SPATA9: variants seen among roughly 807,000 people sequenced by gnomAD.
SPATA9 encodes the protein spermatogenesis-associated protein 9.
Under a neutral mutation model 25.5 loss-of-function variants are expected in SPATA9, and 27 were observed. The ratio of observed to expected loss-of-function variants is 1.06; its 90% confidence interval spans 0.78 to 1.46. SPATA9 has a LOEUF of 1.46. Ranked by LOEUF, SPATA9 falls within the 40% of genes most tolerant of loss-of-function variation. SPATA9 has a pLI of 0.00. For synonymous variants in SPATA9, 102 were observed against 105.7 expected (o/e 0.97, Z 0.21); for missense variants, 282 against 297.5 (o/e 0.95, Z 0.38).
chr5:95,674,494 G>C (rs1437456943), intron 3 of SPATA9, among the ~76,000 whole-genome samples: 1 of 152,150 alleles, frequency 6.6e-6, no homozygotes, highest in African/African-American at 2.4e-5. Context: ...AGACATTCCC[G>C]TTGGGGTCAG....
chr5:95,697,057 G>A (rs1240157741), intron 1 of SPATA9, among the ~76,000 whole-genome samples: 2 of 152,118 alleles, frequency 1.3e-5, no homozygotes, highest in African/African-American at 4.8e-5. Flanking sequence ...TCTTTGCATA[G>A]CAAATTACCC....
chr5:95,659,157 CT>C (rs933430214), intron 4 of SPATA9: 23 of 371,898 alleles, frequency 6.2e-5, no homozygotes, highest in African/African-American at 4.2e-4. Flanking sequence ...TGTTTTACAT[CT>C]TTTCCCCCCA....
At chr5:95,714,823 C>T in the SPATA9 span, among the ~76,000 whole-genome samples, 1 of 151,398 alleles carries the variant, frequency 6.6e-6, no homozygotes, top group Non-Finnish European at 1.5e-5. Flanking sequence ...CCTTCATATT[C>T]CCTTTATAAT....
At chr5:95,708,215 A>G in the SPATA9 span, among the ~76,000 whole-genome samples, 3 of 148,768 alleles carry the variant, frequency 2.0e-5, no homozygotes, top group Admixed American at 6.7e-5. Context: ...TGGTGGAGGA[A>G]CAGTTAAATC....
upstream of SPATA9, among the ~76,000 whole-genome samples, chr5:95,699,507 A>G (rs1289208465): frequency 6.6e-6 from 1 of 152,234 alleles, no homozygotes; most frequent in Non-Finnish European, 1.5e-5. Context: ...GAACAGGGAG[A>G]AAAATGAGAA....
chr5:95,660,596 C>T (rs1255035931), intron 4 of SPATA9, among the ~76,000 whole-genome samples: 1 of 152,164 alleles, frequency 6.6e-6, no homozygotes, highest in Non-Finnish European at 1.5e-5. Flanking sequence ...TGTAAACAGC[C>T]TCATCCATTT....
chr5:95,662,956 CTG>C (rs1360797297), intron 4 of SPATA9, among the ~76,000 whole-genome samples: 1 of 152,318 alleles, frequency 6.6e-6, no homozygotes, highest in Non-Finnish European at 1.5e-5. Flanking sequence ...GGACTTAAAA[CTG>C]AGATTTGTGT....
chr5:95,675,432 G>A lies in SPATA9; in HGVS notation c.358C>T (p.Gln120Ter), dbSNP rs765755260. 7 of 1,614,100 alleles carry A rather than the reference G, an allele frequency of 4.3e-6. No homozygotes were observed. Among genetic ancestry groups the A allele is most frequent in the African/African-American group, 1.3e-5 (1 of 75,036 alleles). Residue 120 changes from glutamine (Q) to a stop codon, truncating the protein, a stop_gained, in exon 3 of 5, where the codon CAA (glutamine) becomes TAA (stop). Coordinates refer to ENST00000274432, the MANE Select transcript of SPATA9 (RefSeq NM_031952.4). LOFTEE classifies it high-confidence loss of function. The part of the protein sequence containing the change: ...RLLREVNAPR[Q>*]PLYNIQVRKG... ...CTTACCTGAATGTTATATAGGGGTT[G>A]CCTCGGCGCATTAACTTCCCTCAGC...
At chr5:95,652,870 T>C, downstream of SPATA9, 2 of 446,152 alleles carry the variant, frequency 4.5e-6, no homozygotes, top group South Asian at 8.7e-5. Context: ...TGGGCATCCA[T>C]TGTTGTTTTG....
Position 95,660,465 on chromosome 5 carries a change from A to C in SPATA9, c.475-1552T>G, listed in dbSNP as rs529972533. On this transcript the variant is annotated intron_variant, in intron 4 of 4. Transcript: ENST00000274432. ...CTGGGAATTGCCTAACTCCCAACTT[A>C]TAATTAAGATATTTAAGTATCTTTA... Among the ~76,000 whole-genome samples the C allele has an allele frequency of 5.8e-4, 88 of 152,308 alleles. 1 individual carries two copies. The highest frequency in any genetic ancestry group is 5.6e-3 in the Admixed American group (85 of 15,302).
At chr5:95,711,571 G>C in the SPATA9 span, among the ~76,000 whole-genome samples, 161 of 152,306 alleles carry the variant, frequency 1.1e-3, no homozygotes, top group Admixed American at 2.9e-3. Context: ...GGCCGCAGTC[G>C]AGAGGCAATG....
chr5:95,695,122 A>G (rs1002248613), intron 1 of SPATA9, among the ~76,000 whole-genome samples: 2 of 152,234 alleles, frequency 1.3e-5, no homozygotes, highest in South Asian at 2.1e-4. Context: ...CTATATTTCA[A>G]TATGAATTTC....
At chr5:95,689,006 C>T (rs1753818105) in intron 1 of SPATA9, among the ~76,000 whole-genome samples, 1 of 152,106 alleles carries the variant, frequency 6.6e-6, no homozygotes, top group Non-Finnish European at 1.5e-5. Context: ...GCACCGAAGA[C>T]ACATAAGACA....
the SPATA9 span, among the ~76,000 whole-genome samples, chr5:95,706,979 T>G: frequency 2.0e-5 from 3 of 152,198 alleles, no homozygotes; most frequent in Non-Finnish European, 1.5e-5. Context: ...AACAGGGCAA[T>G]GTAGAGTTTG....
At chr5:95,690,987 T>G (rs1753874115) in intron 1 of SPATA9, among the ~76,000 whole-genome samples, 1 of 152,166 alleles carries the variant, frequency 6.6e-6, no homozygotes. Context: ...ATACATGTAG[T>G]CTCTCTAATT....
chr5:95,679,455 T>C (rs1753229219), intron 2 of SPATA9, among the ~76,000 whole-genome samples: 1 of 152,170 alleles, frequency 6.6e-6, no homozygotes, highest in South Asian at 2.1e-4. Flanking sequence ...AGATACAGCA[T>C]TAGAAAACCC....
chr5:95,704,603 C>T, the SPATA9 span, among the ~76,000 whole-genome samples: 4 of 151,890 alleles, frequency 2.6e-5, no homozygotes, highest in Non-Finnish European at 5.9e-5. Context: ...AAACCAGCCC[C>T]ATAATATGTT....
chr5:95,690,017 G>A (rs926893340), intron 1 of SPATA9, among the ~76,000 whole-genome samples: 3 of 152,078 alleles, frequency 2.0e-5, no homozygotes, highest in Admixed American at 2.0e-4. Flanking sequence ...GGGGAACAAC[G>A]AGACTGGGGC....
At chr5:95,654,679 T>C (rs546576947), downstream of SPATA9, among the ~76,000 whole-genome samples, 1 of 152,310 alleles carries the variant, frequency 6.6e-6, no homozygotes, top group African/African-American at 2.4e-5. Context: ...TAAATTATGA[T>C]ACAGCCATGC....
Sources: gnomAD v4.1 joint callset for allele counts (sites outside exome capture counted in the v4.1 genomes callset) on GRCh38, gnomAD v4.1.1 for gene constraint, MANE v1.5 for transcripts, NCBI Gene and HGNC (gene_info 2026-07-23, HGNC 2026-07-21) for gene names.